CASQ2: variants seen among roughly 807,000 people sequenced by gnomAD.
The protein encoded by CASQ2 is calsequestrin-2.
Under a neutral mutation model 46.5 loss-of-function variants are expected in CASQ2, and 49 were observed. The ratio of observed to expected loss-of-function variants is 1.05; its 90% CI spans 0.84 to 1.34. CASQ2 has a LOEUF of 1.34. CASQ2 is among the 40% of genes most tolerant of loss of function. The probability of loss-of-function intolerance (pLI) is 0.00; values close to 1 mark genes in which losing one functional copy is unlikely to be tolerated. For synonymous variants in CASQ2, 174 were observed against 168.5 expected, an observed-to-expected ratio of 1.03 and a Z score of -0.25; for missense variants, 486 against 481.3, an observed-to-expected ratio of 1.01 and a Z score of -0.09.
intron 8 of CASQ2, among the ~76,000 whole-genome samples, chr1:115,709,340 A>G (rs545312787): frequency 1.3e-5 from 2 of 152,366 alleles, no homozygotes; most frequent in South Asian, 4.1e-4. Flanking sequence ...TTAAGCAAGG[A>G]CTAGTCCACT....
At chr1:115,763,605 C>T (rs998028112) in intron 1 of CASQ2, among the ~76,000 whole-genome samples, 3 of 152,150 alleles carry the variant, frequency 2.0e-5, no homozygotes, top group Non-Finnish European at 2.9e-5. Context: ...AAGAAGCTAG[C>T]ATTTGTTAAG....
intron 1 of CASQ2, among the ~76,000 whole-genome samples, chr1:115,750,089 T>C (rs542846364): frequency 1.3e-5 from 2 of 152,360 alleles, no homozygotes; most frequent in African/African-American, 4.8e-5. Context: ...TCAGCATACT[T>C]GTGGATGAAT....
intron 9 of CASQ2, among the ~76,000 whole-genome samples, chr1:115,703,942 G>C (rs1040589263): frequency 2.4e-4 from 37 of 151,792 alleles, no homozygotes; most frequent in African/African-American, 8.9e-4. Context: ...AACTGGCCAG[G>C]AAAACTGCAA....
At chr1:115,730,197 G>T (rs1557793996) in intron 5 of CASQ2, among the ~76,000 whole-genome samples, 1 of 152,212 alleles carries the variant, frequency 6.6e-6, no homozygotes, top group Non-Finnish European at 1.5e-5. Context: ...AATTTCCAGG[G>T]CTGGGGCCCA....
At chr1:115,763,517 T>A (rs1190936573) in intron 1 of CASQ2, among the ~76,000 whole-genome samples, 1 of 152,226 alleles carries the variant, frequency 6.6e-6, no homozygotes, top group East Asian at 1.9e-4. Context: ...TCCCAAGGCC[T>A]GATTTCCTCA....
intron 7 of CASQ2, among the ~76,000 whole-genome samples, chr1:115,721,790 C>T (rs779596046): frequency 1.7e-4 from 26 of 152,148 alleles, no homozygotes; most frequent in Non-Finnish European, 3.1e-4. Flanking sequence ...AGGCTGCTCT[C>T]GAATTCCTTG....
chr1:115,759,592 A>G (rs1219742570), intron 1 of CASQ2, among the ~76,000 whole-genome samples: 2 of 152,230 alleles, frequency 1.3e-5, no homozygotes, highest in African/African-American at 4.8e-5. Context: ...AGCCTCAGGT[A>G]TTCTGTTATA....
In CASQ2 at chr1:115,725,456, T is replaced by C. The variant is rs76056486; in HGVS notation, c.783+52A>G. On this transcript the variant is annotated intron_variant, in intron 7 of 10. Transcript: ENST00000261448. ...GGACTTAATCTAAGAAGCACTCCTC[T>C]TTGGGACTATACTCATCTCTACAAG... The C allele has an allele frequency of 9.5e-4, 1,522 of 1,598,090 alleles. 48 individuals carry two copies. In the East Asian group the frequency reaches 0.034, roughly 35 times the overall value.
rs1485738523 is a variant in CASQ2, at chr1:115,761,595, C to T, written c.234+6713G>A. Among the ~76,000 whole-genome samples the T allele has an allele frequency of 3.1e-4, 46 of 150,176 alleles. No homozygotes were observed. The Admixed American group carries it at 3.1e-3, about 10-fold the overall frequency. ...GGGCACATTGCAAAGCCTGAAGAGG[C>T]TACAGTCACTCTCCGCTAAAGTTTA... On this transcript the variant is annotated intron_variant, in intron 1 of 10. Transcript: ENST00000261448.
In CASQ2 at chr1:115,701,269, T is replaced by C. The variant is rs749043824; in HGVS notation, c.1172A>G (p.Asp391Gly). The C allele has an allele frequency of 1.2e-6, 2 of 1,605,122 alleles. No homozygotes were observed. Among genetic ancestry groups the C allele is most frequent in the Non-Finnish European group, 1.7e-6 (2 of 1,171,896 alleles). ...DDDNSDEEDN[D>G]DSDDDDDE Reference sequence around the variant, plus strand: ...TTCATCATCATCGTCATCACTGTCATCATTATCCTCTTCATCAGAATTATC... The same window carrying C: ...TTCATCATCATCGTCATCACTGTCACCATTATCCTCTTCATCAGAATTATC... The change falls in exon 11 of 11, where the codon GAT becomes GGT. Residue 391 changes from aspartate (D) to glycine (G), a missense_variant. By Grantham distance (94) the Asp-to-Gly change is moderately conservative. Transcript: ENST00000261448.
chr1:115,751,342 T>C (rs4564143), intron 1 of CASQ2, among the ~76,000 whole-genome samples: 41,578 of 152,010 alleles, frequency 0.27, 6,095 homozygotes, highest in East Asian at 0.43. Context: ...CCAAGGGCCT[T>C]GTGATTTAAG....
At position 115,709,774 on chromosome 1, in the gene CASQ2, A is replaced by G. The variant is rs187173705; in HGVS notation, c.839-4482T>C. 1.5e-3 allele frequency among the ~76,000 whole-genome samples: 234 copies of G among 152,250 alleles called. 2 individuals are homozygous for G. Among genetic ancestry groups the G allele is most frequent in the African/African-American group, 5.4e-3 (223 of 41,536 alleles). On this transcript the variant is annotated intron_variant, in intron 8 of 10. Transcript: ENST00000261448. Reference sequence around the variant, plus strand: ...GCCAAGAATCTTATCCTTGCATCCAATTGAAATCTCCTTTTTTTCACATGA... The same window carrying G: ...GCCAAGAATCTTATCCTTGCATCCAGTTGAAATCTCCTTTTTTTCACATGA...
chr1:115,732,880 T>A (rs544256146), intron 5 of CASQ2, 21 bp downstream of exon 5: 1 of 1,567,528 alleles, frequency 6.4e-7, no homozygotes, highest in Non-Finnish European at 8.8e-7. Context: ...CTGTTCAAAT[T>A]GGGGTTTCAT....
In CASQ2 at chr1:115,762,928, T is replaced by G. The variant is rs534739114; in HGVS notation, c.234+5380A>C. Among the ~76,000 whole-genome samples the G allele has an allele frequency of 2.0e-5, 3 of 152,314 alleles. No individual in the cohort carries two copies. In the East Asian group the frequency reaches 5.8e-4, roughly 29 times the overall value. ...ATAGAGGGCTCAGGAACTCACAATG[T>G]GGAGGCCATGTTGCTCATGCCTGGC... On this transcript the variant is annotated intron_variant, in intron 1 of 10. Coordinates refer to ENST00000261448, the MANE Select transcript of CASQ2 (RefSeq NM_001232.4).
chr1:115,725,579 A>G (rs1647556116), intron 6 of CASQ2, 26 bp from the exon 7 acceptor site: 1 of 1,535,498 alleles, frequency 6.5e-7, no homozygotes, highest in Non-Finnish European at 8.9e-7. Flanking sequence ...AAAAAAAAAA[A>G]AGAAAGAGCT....
At chr1:115,756,435 A>C (rs72993533) in intron 1 of CASQ2, among the ~76,000 whole-genome samples, 10,436 of 152,238 alleles carry the variant, frequency 0.069, 1,213 homozygotes, top group African/African-American at 0.24. Flanking sequence ...ATTTTGAATG[A>C]GCACTAAAGC....
chr1:115,726,954 A>AC, intron 6 of CASQ2, 38 bp downstream of exon 6: 7 of 1,108,058 alleles, frequency 6.3e-6, no homozygotes, highest in Non-Finnish European at 9.3e-6. Context: ...CATTCCCCAG[A>AC]CCCCAGGCCC....
At chr1:115,739,032 T>G (rs554485720) in intron 3 of CASQ2, among the ~76,000 whole-genome samples, 3 of 148,280 alleles carry the variant, frequency 2.0e-5, no homozygotes, top group South Asian at 2.2e-4. Flanking sequence ...CAATTCCATC[T>G]GTATAGTTGC....
At chr1:115,744,152 A>C (rs996782990) in intron 2 of CASQ2, among the ~76,000 whole-genome samples, 1 of 151,864 alleles carries the variant, frequency 6.6e-6, no homozygotes, top group African/African-American at 2.4e-5. Flanking sequence ...AAAAAAAAAA[A>C]AAAAAGAAAA....
Sources: gnomAD v4.1 joint callset for allele counts (sites outside exome capture counted in the v4.1 genomes callset) on GRCh38, gnomAD v4.1.1 for gene constraint, MANE v1.5 for transcripts, NCBI Gene and HGNC (gene_info 2026-07-23, HGNC 2026-07-21) for gene names.